MGAM: variants seen among roughly 807,000 people sequenced by gnomAD.
MGAM encodes the protein alpha-1,4-glucosidase.
A neutral mutation model predicts 358.8 loss-of-function variants in MGAM; 253 were observed. That is an observed-to-expected ratio of 0.71 (90% confidence interval 0.64 to 0.78). The LOEUF (loss-of-function observed/expected upper bound fraction) is 0.78. Ranked by LOEUF, MGAM falls within the 30% of genes least tolerant of loss-of-function variation. The pLI is 0.00. For missense variants in MGAM, 3,080 were observed against 3,432.6 expected (o/e 0.90, Z 2.57); for synonymous variants, 1,105 against 1,227.1 (o/e 0.90, Z 2.08).
At chr7:142,088,799 ATCATTCTAT>A in intron 57 of MGAM, among the ~76,000 whole-genome samples, 1 of 110,210 alleles carries the variant, frequency 9.1e-6, no homozygotes, top group South Asian at 3.0e-4. Context: ...CTATCTATCT[ATCATTCTAT>A]CCTATCTATG....
chr7:142,032,298 G>A (rs1352986753), intron 13 of MGAM, among the ~76,000 whole-genome samples: 1 of 151,868 alleles, frequency 6.6e-6, no homozygotes, highest in Non-Finnish European at 1.5e-5. Flanking sequence ...CTCCAGAGTT[G>A]AAACTTTTTC....
At chr7:142,100,951 A>G in intron 68 of MGAM, 61 bp downstream of exon 68, 2 of 1,432,832 alleles carry the variant, frequency 1.4e-6, no homozygotes, top group Non-Finnish European at 1.9e-6. Flanking sequence ...GGATTATCTT[A>G]CAGGCCTGCT....
intron 60 of MGAM, 124 bp downstream of exon 60, chr7:142,093,674 G>A (rs1210783908): frequency 9.1e-7 from 1 of 1,099,882 alleles, no homozygotes; most frequent in African/African-American, 1.5e-5. Context: ...TGACAACTGT[G>A]TAATGATTCT....
rs1554464963 is a variant in MGAM, at chr7:142,034,323, C to A, written c.1731C>A (p.Gly577=). The stretch of plus-strand genomic sequence containing the variant: ...GTATGGATGCAGTGCAGCACTGGGG[C>A]AAGCAGTATGACATTCACAATCTGT... ...TLCMDAVQHW[G]KQYDIHNLYG... The change falls in exon 15 of 71, where the codon GGC becomes GGA. Residue 577 remains glycine (G), a synonymous_variant. Transcript: ENST00000475668. 6.3e-7 allele frequency: 1 copy of A among 1,598,444 alleles called. No homozygotes were observed. Among genetic ancestry groups the A allele is most frequent in the Non-Finnish European group, 8.5e-7 (1 of 1,172,328 alleles).
chr7:142,040,397 G>T, intron 20 of MGAM: 1 of 586,928 alleles, frequency 1.7e-6, no homozygotes, highest in East Asian at 2.8e-5. Context: ...CAATAAGATA[G>T]GCTGACATAG....
rs1195429169 is a variant in MGAM, at chr7:142,105,882, C to T, written c.8253C>T (p.Ser2751=). The change falls in exon 71 of 71, where the codon AGC becomes AGT. Residue 2751 remains serine (S), a synonymous_variant. Coordinates refer to ENST00000475668, the MANE Select transcript of MGAM (RefSeq NM_001365693.1). ...LHNFTSLTWI[S]TL ...ATTTTACTTCATTGACGTGGATAAGCACTCTGTGAATTTTTACAGCAAGAT... is the reference window on the plus strand; with the variant it reads ...ATTTTACTTCATTGACGTGGATAAGTACTCTGTGAATTTTTACAGCAAGAT... 6.2e-7 allele frequency: 1 copy of T among 1,609,152 alleles called. No homozygotes were observed. The highest frequency in any genetic ancestry group is 8.5e-7 in the Non-Finnish European group (1 of 1,175,660).
At chr7:142,009,055 C>T (rs1224822090) in intron 3 of MGAM, among the ~76,000 whole-genome samples, 1 of 152,160 alleles carries the variant, frequency 6.6e-6, no homozygotes, top group Non-Finnish European at 1.5e-5. Flanking sequence ...TTTTATATGG[C>T]AACACTACAT....
At chr7:142,045,717 AATATATAC>A (rs1810225512) in intron 21 of MGAM, among the ~76,000 whole-genome samples, 1 of 81,838 alleles carries the variant, frequency 1.2e-5, no homozygotes, top group South Asian at 3.5e-4. Flanking sequence ...TATAATATAT[AATATATAC>A]ATACAATGTA....
rs879408074 is a variant in MGAM, at chr7:142,075,288, A to G, written c.5276-915A>G. Among the ~76,000 whole-genome samples, 6 of 146,478 alleles carry G rather than the reference A, an allele frequency of 4.1e-5. 1 individual carries two copies. The highest frequency in any genetic ancestry group is 9.3e-5 in the Non-Finnish European group (6 of 64,726). ...TGTTTTCATATCTTGGCTACTGTGAAGAAAGAAATTAAAAATTGAAATGTA... is the reference window on the plus strand; with the variant it reads ...TGTTTTCATATCTTGGCTACTGTGAGGAAAGAAATTAAAAATTGAAATGTA... On this transcript the variant is annotated intron_variant, in intron 45 of 70. Transcript: ENST00000475668.
In MGAM at chr7:142,025,066, A is replaced by T. The variant is rs186400912; in HGVS notation, c.899A>T (p.Tyr300Phe). The T allele has an allele frequency of 1.2e-6, 2 of 1,613,506 alleles. No individual in the cohort carries two copies. Among genetic ancestry groups the T allele is most frequent in the African/African-American group, 1.3e-5 (1 of 75,028 alleles). ...TTTCTGCAGAACGGAACTAATTTGT[A>T]TGGTGCGCAGACATTCTTCTTGTGC... ...TTPNGNGTNLYGAQTFFLCLE... is the reference protein window; with the variant it reads ...TTPNGNGTNLFGAQTFFLCLE... Residue 300 changes from tyrosine (Y) to phenylalanine (F), a missense_variant, in exon 8 of 71, where the codon TAT becomes TTT. By Grantham distance (22) the Tyr-to-Phe change is conservative (BLOSUM62 3). This residue lies in a region of MGAM where 1,816 missense variants were observed against 1,840.5 expected (regional missense o/e 0.99). Transcript: ENST00000475668.
Position 142,006,944 on chromosome 7 carries a change from C to T in MGAM, c.127+1287C>T, listed in dbSNP as rs1805211094. 2.0e-5 allele frequency among the ~76,000 whole-genome samples: 3 copies of T among 152,038 alleles called. No individual in the cohort carries two copies. In the South Asian group the frequency reaches 6.2e-4, roughly 31 times the overall value. On this transcript the variant is annotated intron_variant, in intron 2 of 70. Coordinates refer to ENST00000475668, the MANE Select transcript of MGAM (RefSeq NM_001365693.1). ...CTTCATCTTCAATATTGTATTGGCC[C>T]TTCTTAAAATAAGTTATTCCTTTGT...
chr7:142,098,590 C>T (rs1816157831), intron 66 of MGAM, among the ~76,000 whole-genome samples: 1 of 152,122 alleles, frequency 6.6e-6, no homozygotes, highest in Non-Finnish European at 1.5e-5. Context: ...CCCAAGTCCT[C>T]TCCACAGCCC....
rs991542244 is a variant in MGAM at position 142,050,934 on chromosome 7, A to G, written c.2805+70A>G. 60 of 1,603,560 alleles carry G rather than the reference A, an allele frequency of 3.7e-5. No homozygotes were observed. In the African/African-American group the frequency reaches 7.8e-4, roughly 21 times the overall value. On this transcript the variant is annotated intron_variant, in intron 24 of 70. Coordinates refer to ENST00000475668, the MANE Select transcript of MGAM (RefSeq NM_001365693.1). Reference sequence around the variant, plus strand: ...AGCATCGTGATGTTCCTTCTTGCCAAGTTTGCATGGGTCCCTGAAGGACCA... The same window carrying G: ...AGCATCGTGATGTTCCTTCTTGCCAGGTTTGCATGGGTCCCTGAAGGACCA...
At position 142,044,458 on chromosome 7, in the gene MGAM, A is replaced by T. The variant is rs568756375; in HGVS notation, c.2499-3327A>T. On this transcript the variant is annotated intron_variant, in intron 21 of 70. Transcript: ENST00000475668. ...TATATATAATGAATATTATATACACATACGATATATGATATATAATGTATA... is the reference window on the plus strand; with the variant it reads ...TATATATAATGAATATTATATACACTTACGATATATGATATATAATGTATA... 8.2e-4 allele frequency among the ~76,000 whole-genome samples: 93 copies of T among 112,812 alleles called. 7 individuals are homozygous for T. Among genetic ancestry groups the T allele is most frequent in the Non-Finnish European group, 1.0e-3 (57 of 54,618 alleles). 74.0% of individuals were successfully genotyped at this position (112,812 alleles called of 152,430 possible).
chr7:142,052,350 G>C lies in MGAM; in HGVS notation c.2862G>C (p.Trp954Cys). 2 of 1,610,666 alleles carry C rather than the reference G, an allele frequency of 1.2e-6. No individual in the cohort carries two copies. The highest frequency in any genetic ancestry group is 1.7e-6 in the Non-Finnish European group (2 of 1,178,314). Reference protein sequence around the residue: ...LLLGEAYTVEWSIKIRDEEKI... With the variant: ...LLLGEAYTVECSIKIRDEEKI... ...TGGGAGAAGCATACACAGTGGAATG[G>C]AGCATAAAGATAAGGGATGAAGAAA... The change falls in exon 25 of 71, where the codon TGG becomes TGC. Residue 954 changes from tryptophan (W) to cysteine (C), a missense_variant. Transcript: ENST00000475668.
intron 45 of MGAM, 26 bp downstream of exon 45, chr7:142,074,199 T>C (rs1234339617): frequency 1.4e-6 from 2 of 1,440,920 alleles, no homozygotes; most frequent in African/African-American, 1.4e-5. Context: ...ATAATGTTGC[T>C]GTTTCCCAAC....
Position 142,068,372 on chromosome 7 carries a change from A to C in MGAM, c.5005-275A>C, listed in dbSNP as rs569219354. Among the ~76,000 whole-genome samples the C allele has an allele frequency of 1.1e-4, 16 of 144,548 alleles. 1 individual carries two copies. Among genetic ancestry groups the C allele is most frequent in the African/African-American group, 3.9e-4 (16 of 41,010 alleles). 94.8% of individuals were successfully genotyped at this position (144,548 alleles called of 152,430 possible). ...CCCTTGTTTGTCTCTTTAAGAGTCA[A>C]AGGGGTAAGTCTATGTCTATAAGCA... On this transcript the variant is annotated intron_variant, in intron 42 of 70. Coordinates refer to ENST00000475668, the MANE Select transcript of MGAM (RefSeq NM_001365693.1).
chr7:142,065,205 C>T lies in MGAM; in HGVS notation c.4485-130C>T, dbSNP rs565434255. ...GGGATCAGTGGAACTCCTATTACAG[C>T]TCAGAGTCCCATGTTCCCTCCAGTC... On this transcript the variant is annotated intron_variant, in intron 37 of 70. Transcript: ENST00000475668. 1.6e-5 allele frequency: 21 copies of T among 1,279,814 alleles called. No individual in the cohort carries two copies. The South Asian group carries it at 2.9e-4, about 18-fold the overall frequency. The allele number at this position is 1,279,814 out of a possible 1,614,324, so 79.3% of individuals were successfully genotyped here. A position where few individuals can be genotyped will look rare whatever the true frequency, so the allele number is the denominator to read the frequency against.
intron 69 of MGAM, 125 bp downstream of exon 69, chr7:142,102,804 T>C (rs1816551750): frequency 8.2e-6 from 8 of 975,454 alleles, no homozygotes; most frequent in Non-Finnish European, 1.2e-5. Flanking sequence ...CACATTCTTC[T>C]ACTTCTCTAG....
Sources: gnomAD v4.1 joint callset for allele counts (sites outside exome capture counted in the v4.1 genomes callset) on GRCh38, gnomAD v4.1.1 for gene constraint, gnomAD v4.1.1 regional missense constraint, MANE v1.5 for transcripts, NCBI Gene and HGNC (gene_info 2026-07-23, HGNC 2026-07-21) for gene names.